The following MB variants were observed in gnomAD, a reference collection of about 807,000 sequenced individuals.
MB encodes myoglobin.
In MB, 10 loss-of-function variants were observed where a neutral mutation model predicts 14.5. The observed-to-expected ratio is 0.69, with a 90% CI of 0.43 to 1.17. The LOEUF is 1.17. Among genes scored for constraint, MB ranks in the 50% most tolerant of loss-of-function variants. MB has a pLI of 0.00. For synonymous variants in MB, 89 were observed against 78.6 expected (o/e 1.13, Z -0.70); for missense variants, 169 against 192.7 (o/e 0.88, Z 0.73).
chr22:35,614,982 C>G (rs1382447241), intron 1 of MB, among the ~76,000 whole-genome samples: 2 of 152,178 alleles, frequency 1.3e-5, no homozygotes, highest in South Asian at 2.1e-4. Context: ...GGGTGTGGAG[C>G]CCACTCAGCA....
At chr22:35,609,265 CG>C (rs1922391170) in intron 2 of MB, among the ~76,000 whole-genome samples, 1 of 152,134 alleles carries the variant, frequency 6.6e-6, no homozygotes, top group Admixed American at 6.5e-5. Flanking sequence ...GTGCCATGAC[CG>C]GAGATGAAGA....
chr22:35,620,177 T>C (rs1923373676), upstream of MB, among the ~76,000 whole-genome samples: 1 of 152,042 alleles, frequency 6.6e-6, no homozygotes, highest in African/African-American at 2.4e-5. Context: ...CTACTAAAAA[T>C]ACAAAAATTA....
At chr22:35,611,725 C>T (rs535128776) in intron 1 of MB, among the ~76,000 whole-genome samples, 39 of 152,300 alleles carry the variant, frequency 2.6e-4, no homozygotes, top group African/African-American at 9.4e-4. Context: ...CTGAGACAGG[C>T]ACCCACTCCT....
At chr22:35,613,255 G>T (rs180765712) in intron 1 of MB, among the ~76,000 whole-genome samples, 54 of 152,350 alleles carry the variant, frequency 3.5e-4, no homozygotes, top group African/African-American at 1.1e-3. Flanking sequence ...AAGGCAGCTG[G>T]GGGTCTCAGA....
upstream of MB, among the ~76,000 whole-genome samples, chr22:35,618,347 T>G (rs1238289952): frequency 6.6e-6 from 1 of 152,202 alleles, no homozygotes; most frequent in East Asian, 1.9e-4. Flanking sequence ...TGTGCCAAGT[T>G]TGAACTGAAT....
Position 35,617,241 on chromosome 22 carries a change from C to G in MB, c.17G>C (p.Gly6Ala). MGLSDGEWQLVLNVWG... is the reference protein window; with the variant it reads MGLSDAEWQLVLNVWG... ...GACGTTCAGCACCAACTGCCATTCC[C>G]CGTCGCTGAGCCCCATGGCGCAGTC... The change falls in exon 1 of 3, where the codon GGG becomes GCG. Residue 6 changes from glycine (G) to alanine (A), a missense_variant. Coordinates refer to ENST00000397326, the MANE Select transcript of MB (RefSeq NM_005368.3). The G allele has an allele frequency of 6.2e-7, 1 of 1,614,126 alleles. No homozygotes were observed. The highest frequency in any genetic ancestry group is 8.5e-7 in the Non-Finnish European group (1 of 1,179,988).
intron 2 of MB, 22 bp from the exon 3 acceptor site, chr22:35,607,465 A>G: frequency 6.2e-7 from 1 of 1,609,802 alleles, no homozygotes; most frequent in Non-Finnish European, 8.5e-7. Flanking sequence ...GTGAGGAGAG[A>G]AAATGGTCAC....
chr22:35,611,130 G>T, intron 1 of MB, 24 bp from the exon 2 acceptor site: 1 of 1,576,390 alleles, frequency 6.3e-7, no homozygotes. Context: ...GAAGGCTGGA[G>T]TCGGCATGGG....
upstream of MB, among the ~76,000 whole-genome samples, chr22:35,621,002 C>T (rs370103612): frequency 3.9e-5 from 6 of 152,244 alleles, no homozygotes; most frequent in African/African-American, 9.6e-5. Context: ...GGGAAGGCAC[C>T]GACATCTGTT....
intron 1 of MB, 59 bp from the exon 2 acceptor site, chr22:35,611,165 A>C: frequency 1.6e-6 from 2 of 1,237,738 alleles, no homozygotes; most frequent in Non-Finnish European, 2.4e-6. Flanking sequence ...GTCTGGGGGC[A>C]GCCAGACTAG....
chr22:35,621,168 C>A (rs934827386), upstream of MB, among the ~76,000 whole-genome samples: 1 of 152,202 alleles, frequency 6.6e-6, no homozygotes, highest in African/African-American at 2.4e-5. Context: ...GAAAGCCAGG[C>A]TGCCTTTGTG....
chr22:35,607,338 C>T lies in MB; in HGVS notation c.424G>A (p.Asp142Asn). 1.2e-6 allele frequency: 2 copies of T among 1,614,072 alleles called. No homozygotes were observed. Among genetic ancestry groups the T allele is most frequent in the Non-Finnish European group, 1.7e-6 (2 of 1,179,914 alleles). The change falls in exon 3 of 3, where the codon GAC (aspartate) becomes AAC (asparagine). Residue 142 changes from aspartate (D) to asparagine (N), a missense_variant. Asp to Asn is a conservative substitution (Grantham distance 23, BLOSUM62 1). Coordinates refer to ENST00000397326, the MANE Select transcript of MB (RefSeq NM_005368.3). ...MNKALELFRK[D>N]MASNYKELGF... The stretch of plus-strand genomic sequence containing the variant: ...AGCTCCTTGTAGTTGGAGGCCATGT[C>T]CTTCCGGAACAGCTCCAGGGCCTTG...
intron 1 of MB, among the ~76,000 whole-genome samples, chr22:35,613,856 T>C (rs1922848228): frequency 6.6e-6 from 1 of 152,192 alleles, no homozygotes; most frequent in African/African-American, 2.4e-5. Context: ...CGCAAGATCA[T>C]TCCGGCACCA....
At chr22:35,614,995 C>T (rs1922958877) in intron 1 of MB, among the ~76,000 whole-genome samples, 1 of 152,118 alleles carries the variant, frequency 6.6e-6, no homozygotes. Context: ...ACTCAGCAGC[C>T]CCCTCCCTTC....
chr22:35,611,133 G>T, intron 1 of MB, 27 bp from the exon 2 acceptor site: 1 of 1,555,860 alleles, frequency 6.4e-7, no homozygotes, highest in Non-Finnish European at 8.9e-7. Context: ...GGCTGGAGTC[G>T]GCATGGGAGG....
upstream of MB, among the ~76,000 whole-genome samples, chr22:35,620,772 C>T (rs554013398): frequency 1.5e-4 from 23 of 152,288 alleles, no homozygotes; most frequent in Admixed American, 1.2e-3. Context: ...CAGGGCAGGG[C>T]TGATTACTAC....
chr22:35,617,505 C>T, upstream of MB: 1 of 530,990 alleles, frequency 1.9e-6, no homozygotes, highest in Non-Finnish European at 3.4e-6. Flanking sequence ...GGGCAGGTGC[C>T]ATTGTGGCGA....
At chr22:35,617,389 C>CA, upstream of MB, 1 of 640,056 alleles carries the variant, frequency 1.6e-6, no homozygotes, top group South Asian at 1.8e-5. Flanking sequence ...AAAGATCGCT[C>CA]AATGGCTCGC....
At chr22:35,611,997 A>G (rs1020008035) in intron 1 of MB, among the ~76,000 whole-genome samples, 33 of 152,096 alleles carry the variant, frequency 2.2e-4, no homozygotes, top group Admixed American at 6.5e-4. Context: ...TTACTCATGG[A>G]AGACCACAGA....
Sources: gnomAD v4.1 joint callset for allele counts (sites outside exome capture counted in the v4.1 genomes callset) on GRCh38, gnomAD v4.1.1 for gene constraint, MANE v1.5 for transcripts, NCBI Gene and HGNC (gene_info 2026-07-23, HGNC 2026-07-21) for gene names.